Variants in ZBTB7C observed in about 807,000 individuals in gnomAD.
ZBTB7C encodes the protein zinc finger and BTB domain containing 7C, also known as zinc finger and BTB domain-containing protein 7C.
A neutral mutation model predicts 25.7 loss-of-function variants in ZBTB7C; 8 were observed. That is an observed-to-expected ratio of 0.31 (90% CI 0.18 to 0.56). The LOEUF is 0.56. ZBTB7C is among the 20% of genes least tolerant of loss of function. The pLI, the probability that ZBTB7C is intolerant of heterozygous loss-of-function variation, is 0.91. For synonymous variants in ZBTB7C, 394 were observed against 369.0 expected, an observed-to-expected ratio of 1.07 and a Z score of -0.78; for missense variants, 824 against 855.2, an observed-to-expected ratio of 0.96 and a Z score of 0.46.
intron 3 of ZBTB7C, among the ~76,000 whole-genome samples, chr18:48,176,745 A>G (rs1206890862): frequency 1.3e-5 from 2 of 152,178 alleles, no homozygotes; most frequent in Admixed American, 6.5e-5. Flanking sequence ...TTTTGTTTGC[A>G]GTTTCTCTGT....
intron 3 of ZBTB7C, among the ~76,000 whole-genome samples, chr18:48,085,345 C>G (rs2038154618): frequency 6.6e-6 from 1 of 152,116 alleles, no homozygotes; most frequent in Non-Finnish European, 1.5e-5. Context: ...CCAAAGGGGC[C>G]CATTACCTCT....
chr18:48,267,555 C>T (rs1783559386), intron 2 of ZBTB7C, among the ~76,000 whole-genome samples: 1 of 152,156 alleles, frequency 6.6e-6, no homozygotes, highest in South Asian at 2.1e-4. Flanking sequence ...ATGGCTTCTC[C>T]CCAAGGTTCC....
intron 2 of ZBTB7C, among the ~76,000 whole-genome samples, chr18:48,307,199 T>C (rs942841474): frequency 1.3e-5 from 2 of 152,196 alleles, no homozygotes; most frequent in African/African-American, 2.4e-5. Context: ...CAGTTTCTAC[T>C]ACTATAAAAC....
At chr18:48,124,621 C>G (rs1333075896) in intron 3 of ZBTB7C, among the ~76,000 whole-genome samples, 1 of 152,110 alleles carries the variant, frequency 6.6e-6, no homozygotes, top group Non-Finnish European at 1.5e-5. Flanking sequence ...GTTCCAGCAC[C>G]ATGGGATTAA....
chr18:48,397,431 A>C (rs1054869714), intron 1 of ZBTB7C, among the ~76,000 whole-genome samples: 1 of 152,174 alleles, frequency 6.6e-6, no homozygotes, highest in African/African-American at 2.4e-5. Context: ...TTTAGGTGCA[A>C]TAGAGAGAAT....
At chr18:48,284,316 G>A (rs2044966263) in intron 2 of ZBTB7C, among the ~76,000 whole-genome samples, 1 of 152,150 alleles carries the variant, frequency 6.6e-6, no homozygotes, top group South Asian at 2.1e-4. Flanking sequence ...GGGCATGCCT[G>A]TAATCCCAGC....
intron 1 of ZBTB7C, among the ~76,000 whole-genome samples, chr18:48,370,329 C>T (rs2047358079): frequency 6.6e-6 from 1 of 152,158 alleles, no homozygotes; most frequent in Admixed American, 6.5e-5. Context: ...GAAAGGATTA[C>T]ATAAGTATTA....
chr18:48,219,807 G>A (rs2042907903), intron 2 of ZBTB7C, among the ~76,000 whole-genome samples: 1 of 152,200 alleles, frequency 6.6e-6, no homozygotes, highest in African/African-American at 2.4e-5. Flanking sequence ...TGGTCAGGTA[G>A]ATCCCTATTT....
At chr18:48,327,433 T>C (rs768927854) in intron 2 of ZBTB7C, among the ~76,000 whole-genome samples, 1 of 152,232 alleles carries the variant, frequency 6.6e-6, no homozygotes, top group African/African-American at 2.4e-5. Context: ...AGCACAAGGC[T>C]GTGAGTCAGG....
intron 3 of ZBTB7C, among the ~76,000 whole-genome samples, chr18:48,090,587 G>C (rs894684089): frequency 1.3e-5 from 2 of 152,188 alleles, no homozygotes; most frequent in African/African-American, 4.8e-5. Flanking sequence ...ATGAGTCCTG[G>C]GGAAGTGGAC....
chr18:48,200,016 GTGTGTA>G (rs376498656), intron 2 of ZBTB7C, among the ~76,000 whole-genome samples: 11,470 of 138,986 alleles, frequency 0.083, 474 homozygotes, highest in Middle Eastern at 0.17. Context: ...GTGTGTGTGT[GTGTGTA>G]ATTTTTTTTT....
intron 3 of ZBTB7C, among the ~76,000 whole-genome samples, chr18:48,107,178 G>A (rs1159123167): frequency 6.6e-6 from 1 of 151,432 alleles, no homozygotes; most frequent in Non-Finnish European, 1.5e-5. Flanking sequence ...ACCGTCAGGA[G>A]AGGGAGGAAG....
chr18:48,364,086 C>T (rs1001855460), intron 1 of ZBTB7C: 1 of 152,232 alleles, frequency 6.6e-6, no homozygotes, highest in African/African-American at 2.4e-5. Flanking sequence ...GCAATGACCA[C>T]TCTCACATTG....
At chr18:48,309,967 G>T (rs9962010) in intron 2 of ZBTB7C, among the ~76,000 whole-genome samples, 8 of 152,044 alleles carry the variant, frequency 5.3e-5, no homozygotes, top group South Asian at 2.1e-4. Flanking sequence ...CGGTGGCTCA[G>T]GCCTGTAATC....
intron 2 of ZBTB7C, among the ~76,000 whole-genome samples, chr18:48,220,586 T>G (rs2042926327): frequency 6.6e-6 from 1 of 152,150 alleles, no homozygotes; most frequent in African/African-American, 2.4e-5. Context: ...GTGCCCAGAA[T>G]AGCAATATTT....
At chr18:48,203,035 C>T (rs907848911) in intron 2 of ZBTB7C, among the ~76,000 whole-genome samples, 6 of 152,096 alleles carry the variant, frequency 3.9e-5, no homozygotes, top group African/African-American at 7.2e-5. Flanking sequence ...CACCCAGCCA[C>T]GGCCCCTCCA....
At chr18:48,335,850 A>T (rs1568383434) in intron 2 of ZBTB7C, among the ~76,000 whole-genome samples, 1 of 152,220 alleles carries the variant, frequency 6.6e-6, no homozygotes, top group Non-Finnish European at 1.5e-5. Flanking sequence ...GTGAAATGAA[A>T]TATATCATTA....
intron 3 of ZBTB7C, chr18:48,084,002 A>G: frequency 2.0e-6 from 1 of 510,710 alleles, no homozygotes; most frequent in African/African-American, 2.1e-5. Flanking sequence ...CCTTGTGCCT[A>G]TGGAAGGTTT....
At position 48,196,459 on chromosome 18, in the gene ZBTB7C, C is replaced by G. The variant is rs984918228; in HGVS notation, c.-78-10464G>C. On this transcript the variant is annotated intron_variant, in intron 2 of 4. Coordinates refer to ENST00000590800, the MANE Select transcript of ZBTB7C (RefSeq NM_001318841.2). Reference sequence around the variant, plus strand: ...GAGGTGAGTTTCTAATATGTAATTTCAGGCATCTGCAGTAGGTTGCTTGGG... The same window carrying G: ...GAGGTGAGTTTCTAATATGTAATTTGAGGCATCTGCAGTAGGTTGCTTGGG... Among the ~76,000 whole-genome samples, 16 of 152,274 alleles carry G rather than the reference C, an allele frequency of 1.1e-4. No individual in the cohort carries two copies. The East Asian group carries it at 2.1e-3, about 20-fold the overall frequency.
Sources: gnomAD v4.1 joint callset for allele counts (sites outside exome capture counted in the v4.1 genomes callset) on GRCh38, gnomAD v4.1.1 for gene constraint, MANE v1.5 for transcripts, NCBI Gene and HGNC (gene_info 2026-07-23, HGNC 2026-07-21) for gene names.